Variants in ZNF383 observed in about 807,000 individuals in gnomAD.
ZNF383 encodes zinc finger protein 383.
Under a neutral mutation model 44.2 loss-of-function variants are expected in ZNF383, and 32 were observed. The ratio of observed to expected loss-of-function variants is 0.72; its 90% CI spans 0.55 to 0.97. The LOEUF is 0.97. Among genes scored for constraint, ZNF383 ranks in the 50% least tolerant of loss-of-function variants. ZNF383 has a pLI of 0.00. For missense variants in ZNF383, 487 were observed against 562.5 expected (o/e 0.87, Z 1.36); for synonymous variants, 155 against 186.2 (o/e 0.83, Z 1.36).
chr19:37,236,941 A>G lies in ZNF383; in HGVS notation c.232+867A>G, dbSNP rs545254126. On this transcript the variant is annotated intron_variant, in intron 5 of 5. Transcript: ENST00000684119. ...CCCAAAATAATATAATTGCGTCTGTATACACACATGTGAACACACACACAC... is the reference window on the plus strand; with the variant it reads ...CCCAAAATAATATAATTGCGTCTGTGTACACACATGTGAACACACACACAC... Among the ~76,000 whole-genome samples the G allele has an allele frequency of 2.0e-5, 3 of 149,016 alleles. No individual in the cohort carries two copies. The Admixed American group carries it at 2.0e-4, about 10-fold the overall frequency.
At chr19:37,235,727 C>T (rs763649749) in intron 4 of ZNF383, 52 bp downstream of exon 4, 17 of 1,522,394 alleles carry the variant, frequency 1.1e-5, no homozygotes, top group Non-Finnish European at 1.4e-5. Context: ...ATGTCTCCTT[C>T]TTCCACAGTG....
At position 37,235,690 on chromosome 19, in the gene ZNF383, AC is replaced by A. The variant is rs773413403; in HGVS notation, c.136+17del. ...GGTTTCAATGGGTAAGGGCATCTGT[AC>A]CAGTGATTCCCAGTTCTCCTCTGGA... On this transcript the variant is annotated intron_variant, in intron 4 of 5. Transcript: ENST00000684119. The A allele has an allele frequency of 1.3e-6, 2 of 1,580,812 alleles. No individual in the cohort carries two copies. The highest frequency in any genetic ancestry group is 2.2e-5 in the East Asian group (1 of 44,492).
At position 37,247,957 on chromosome 19, in the gene ZNF383, A is replaced by C. The variant is rs1974428462; in HGVS notation, c.*4293A>C. 6.6e-6 allele frequency: 1 copy of C among 151,964 alleles called. No individual in the cohort carries two copies. The highest frequency in any genetic ancestry group is 1.5e-5 in the Non-Finnish European group (1 of 68,026). The allele number at this position is 151,964 out of a possible 1,614,324, so 9.4% of individuals were successfully genotyped here. A position where few individuals can be genotyped will look rare whatever the true frequency, so the allele number is the denominator to read the frequency against. Reference sequence around the variant, plus strand: ...TGAGACCAGCCTGACCAACATGGAGAAACCCTGTCTCTACTAAAAATACAA... The same window carrying C: ...TGAGACCAGCCTGACCAACATGGAGCAACCCTGTCTCTACTAAAAATACAA... On this transcript the variant is annotated 3_prime_UTR_variant, in exon 6 of 6. Transcript: ENST00000684119.
intron 1 of ZNF383, among the ~76,000 whole-genome samples, chr19:37,223,564 C>G (rs1360612472): frequency 1.3e-5 from 2 of 151,902 alleles, no homozygotes. Context: ...AAAGAAATAT[C>G]CCAATGTTTG....
chr19:37,225,748 T>C, intron 2 of ZNF383, among the ~76,000 whole-genome samples: 1 of 151,900 alleles, frequency 6.6e-6, no homozygotes, highest in East Asian at 1.9e-4. Context: ...AATGCTTTGA[T>C]AAATTAGTTT....
At position 37,228,943 on chromosome 19, in the gene ZNF383, C is replaced by T. The variant is rs533662380; in HGVS notation, c.-45-1466C>T. On this transcript the variant is annotated intron_variant, in intron 2 of 5. Coordinates refer to ENST00000684119, the MANE Select transcript of ZNF383 (RefSeq NM_001387601.1). ...CTTACATATTATTATGGACTTAGAG[C>T]ATTTCATAGCTATTTCAACTGACTG... Among the ~76,000 whole-genome samples, 13 of 152,108 alleles carry T rather than the reference C, an allele frequency of 8.5e-5. No homozygotes were observed. In the South Asian group the frequency reaches 2.3e-3, roughly 27 times the overall value.
chr19:37,228,082 C>T (rs1392304886), intron 2 of ZNF383, among the ~76,000 whole-genome samples: 2 of 152,128 alleles, frequency 1.3e-5, no homozygotes, highest in African/African-American at 4.8e-5. Context: ...TTAACTCCCC[C>T]AGGGAAAGGG....
chr19:37,219,270 T>G (rs1382193528), intron 1 of ZNF383: 2 of 153,060 alleles, frequency 1.3e-5, no homozygotes, highest in African/African-American at 2.4e-5. Context: ...TTTGTTTTGT[T>G]TTAAGGCGGA....
chr19:37,229,804 T>TA (rs753536521), intron 2 of ZNF383, among the ~76,000 whole-genome samples: 15,263 of 77,836 alleles, frequency 0.2, 1,060 homozygotes, highest in Non-Finnish European at 0.25. Flanking sequence ...ATATATATAT[T>TA]TTTTTTTTTT....
In ZNF383 at chr19:37,245,440, GTTAT is replaced by G. The variant is rs1461508783; in HGVS notation, c.*1781_*1784del. The G allele has an allele frequency of 2.6e-5, 4 of 151,062 alleles. No individual in the cohort carries two copies. The highest frequency in any genetic ancestry group is 4.4e-5 in the Non-Finnish European group (3 of 67,838). 9.4% of individuals were successfully genotyped at this position (151,062 alleles called of 1,614,324 possible). ...TAGAAAGTAACACTGTTATGAAAGT[GTTAT>G]TTATCAATCCAGATATTAATTTTTT... On this transcript the variant is annotated 3_prime_UTR_variant, in exon 6 of 6. Transcript: ENST00000684119.
At position 37,243,062 on chromosome 19, in the gene ZNF383, C is replaced by A; in HGVS notation, c.826C>A (p.His276Asn). The change falls in exon 6 of 6, where the codon CAC (histidine) becomes AAC (asparagine). Residue 276 changes from histidine to asparagine, a missense_variant. Physicochemically the swap from His to Asn is moderately conservative, Grantham distance 68. Transcript: ENST00000684119. ...CSNLIDHQRI[H>N]TGEKPYECKV... ...AAATCTTATTGACCATCAGCGAATT[C>A]ACACTGGTGAAAAACCTTATGAATG... The A allele has an allele frequency of 6.2e-7, 1 of 1,614,082 alleles. No homozygotes were observed. The highest frequency in any genetic ancestry group is 8.5e-7 in the Non-Finnish European group (1 of 1,180,012).
intron 3 of ZNF383, among the ~76,000 whole-genome samples, chr19:37,230,882 G>A (rs1167753637): frequency 6.6e-6 from 1 of 152,206 alleles, no homozygotes; most frequent in Non-Finnish European, 1.5e-5. Context: ...AAGATAGGAT[G>A]AAGTGTGGTG....
chr19:37,221,677 G>A (rs912387386), intron 1 of ZNF383, among the ~76,000 whole-genome samples: 6 of 151,496 alleles, frequency 4.0e-5, no homozygotes, highest in Non-Finnish European at 7.4e-5. Flanking sequence ...GGCTGGGCGC[G>A]GTGGCTCGTG....
chr19:37,235,603 T>A lies in ZNF383; in HGVS notation c.64T>A (p.Cys22Ser). Residue 22 changes from cysteine to serine, a missense_variant, in exon 4 of 6, where the codon TGC becomes AGC. Physicochemically the swap from Cys to Ser is moderately radical, Grantham distance 112. Transcript: ENST00000684119. ...SIDFSQEEWD[C>S]LDPVQRDLYR... is the part of the protein sequence containing the mutation. The stretch of plus-strand genomic sequence containing the variant: ...AGACTTCTCTCAGGAGGAGTGGGAC[T>A]GCCTGGACCCTGTTCAGAGGGACTT... 3.1e-6 allele frequency: 5 copies of A among 1,614,050 alleles called. No individual in the cohort carries two copies. Among genetic ancestry groups the A allele is most frequent in the Non-Finnish European group, 4.2e-6 (5 of 1,179,976 alleles).
intron 5 of ZNF383, among the ~76,000 whole-genome samples, chr19:37,236,954 A>AACACAC (rs35036376): frequency 0.052 from 7,578 of 146,782 alleles, 236 homozygotes; most frequent in South Asian, 0.11. Context: ...CACACATGTG[A>AACACAC]ACACACACAC....
In ZNF383 at chr19:37,239,718, G is replaced by A. The variant is rs141988849; in HGVS notation, c.233-2751G>A. Among the ~76,000 whole-genome samples, 57 of 152,308 alleles carry A rather than the reference G, an allele frequency of 3.7e-4. No homozygotes were observed. In the East Asian group the frequency reaches 5.4e-3, roughly 14 times the overall value. On this transcript the variant is annotated intron_variant, in intron 5 of 5. Coordinates refer to ENST00000684119, the MANE Select transcript of ZNF383 (RefSeq NM_001387601.1). Reference sequence around the variant, plus strand: ...TACTATTCCCTGAATAGATTAAAGGGTGAGAGAGCTTGGTGGGGAGACTGG... The same window carrying A: ...TACTATTCCCTGAATAGATTAAAGGATGAGAGAGCTTGGTGGGGAGACTGG...
rs1973755732 is a variant in ZNF383, at chr19:37,235,690, A to G, written c.136+15A>G. The G allele has an allele frequency of 5.1e-6, 8 of 1,580,812 alleles. No homozygotes were observed. The highest frequency in any genetic ancestry group is 6.9e-6 in the Non-Finnish European group (8 of 1,164,760). On this transcript the variant is annotated intron_variant, in intron 4 of 5. Coordinates refer to ENST00000684119, the MANE Select transcript of ZNF383 (RefSeq NM_001387601.1). ...GGTTTCAATGGGTAAGGGCATCTGT[A>G]CCAGTGATTCCCAGTTCTCCTCTGG... is the stretch of plus-strand genomic sequence containing the variant.
rs976081872 is a variant in ZNF383, at chr19:37,244,229, G to T, written c.*565G>T. The T allele has an allele frequency of 4.0e-5, 6 of 151,742 alleles. No individual in the cohort carries two copies. The highest frequency in any genetic ancestry group is 1.5e-4 in the African/African-American group (6 of 41,260). 9.4% of individuals were successfully genotyped at this position (151,742 alleles called of 1,614,324 possible). On this transcript the variant is annotated 3_prime_UTR_variant, in exon 6 of 6. Transcript: ENST00000684119. The stretch of plus-strand genomic sequence containing the variant: ...CTCCTGAGTAGCTGGGATCACAGGC[G>T]TGTGCCACCACACCCTGCTAATTTT...
At chr19:37,223,377 G>A (rs1248988168) in intron 1 of ZNF383, among the ~76,000 whole-genome samples, 1 of 152,144 alleles carries the variant, frequency 6.6e-6, no homozygotes, top group Non-Finnish European at 1.5e-5. Flanking sequence ...AGTAGGTTAA[G>A]CTAGAAGTCA....
Sources: gnomAD v4.1 joint callset for allele counts (sites outside exome capture counted in the v4.1 genomes callset) on GRCh38, gnomAD v4.1.1 for gene constraint, MANE v1.5 for transcripts, NCBI Gene and HGNC (gene_info 2026-07-23, HGNC 2026-07-21) for gene names.